The following HADHB variants were observed in gnomAD, a reference collection of about 807,000 sequenced individuals.
HADHB encodes trifunctional enzyme subunit beta, mitochondrial.
A neutral mutation model predicts 61.9 loss-of-function variants in HADHB; 50 were observed. The ratio of observed to expected loss-of-function variants is 0.81; its 90% CI spans 0.64 to 1.02. HADHB has a LOEUF of 1.02. HADHB is among the 50% of genes least tolerant of loss of function. The probability of loss-of-function intolerance (pLI) is 0.00; values close to 1 mark genes in which losing one functional copy is unlikely to be tolerated. For missense variants in HADHB, 504 were observed against 586.5 expected (o/e 0.86, Z 1.45); for synonymous variants, 191 against 201.6 (o/e 0.95, Z 0.45).
At chr2:26,275,298 TTAA>T (rs1672497250) in intron 6 of HADHB, among the ~76,000 whole-genome samples, 1 of 152,200 alleles carries the variant, frequency 6.6e-6, no homozygotes, top group South Asian at 2.1e-4. Context: ...ATTGCCTGTA[TTAA>T]TAATGTTAAT....
intron 1 of HADHB, among the ~76,000 whole-genome samples, chr2:26,251,538 C>T (rs1209817277): frequency 2.0e-5 from 3 of 152,122 alleles, no homozygotes; most frequent in Non-Finnish European, 4.4e-5. Flanking sequence ...TGTTTTTCAA[C>T]ATTTTCTTGA....
At chr2:26,289,805 A>G (rs1673190879) in intron 15 of HADHB, 113 bp from the exon 16 acceptor site, 1 of 804,560 alleles carries the variant, frequency 1.2e-6, no homozygotes, top group Non-Finnish European at 2.2e-6. Flanking sequence ...ATTGATTGGC[A>G]GAGCCAGGAT....
At chr2:26,288,708 C>A (rs985366172) in intron 15 of HADHB, among the ~76,000 whole-genome samples, 1 of 151,042 alleles carries the variant, frequency 6.6e-6, no homozygotes, top group African/African-American at 2.4e-5. Flanking sequence ...GGCCCTGTTT[C>A]AAAAAAAACA....
intron 15 of HADHB, among the ~76,000 whole-genome samples, chr2:26,287,587 C>G (rs1002141098): frequency 2.6e-5 from 4 of 152,302 alleles, no homozygotes; most frequent in Admixed American, 6.5e-5. Flanking sequence ...ATACCTAGCA[C>G]CTTTCTTCTA....
In HADHB at chr2:26,258,471, C is replaced by T. The variant is rs139628197; in HGVS notation, c.109+3997C>T. Among the ~76,000 whole-genome samples the T allele has an allele frequency of 9.7e-4, 147 of 152,278 alleles. 1 individual carries two copies. The highest frequency in any genetic ancestry group is 3.4e-3 in the African/African-American group (143 of 41,556). ...GCACTTGGCCGCACAGAAACAATGGCGAGCCTCTAGCCCAAACAGGAATGG... is the reference window on the plus strand; with the variant it reads ...GCACTTGGCCGCACAGAAACAATGGTGAGCCTCTAGCCCAAACAGGAATGG... On this transcript the variant is annotated intron_variant, in intron 3 of 15. Coordinates refer to ENST00000317799, the MANE Select transcript of HADHB (RefSeq NM_000183.3).
In HADHB at chr2:26,285,393, T is replaced by C. The variant is rs1400354317; in HGVS notation, c.1225-14T>C. On this transcript the variant is annotated splice_polypyrimidine_tract_variant and intron_variant, in intron 14 of 15. Transcript: ENST00000317799. Reference sequence around the variant, plus strand: ...GTAAACTTATCTTTACATTTGTGTCTTTGGGGGAGCCAGGTTGGATTGCCT... The same window carrying C: ...GTAAACTTATCTTTACATTTGTGTCCTTGGGGGAGCCAGGTTGGATTGCCT... 1 of 1,611,570 alleles carries C rather than the reference T, an allele frequency of 6.2e-7. No homozygotes were observed. Among genetic ancestry groups the C allele is most frequent in the African/African-American group, 1.3e-5 (1 of 74,892 alleles).
chr2:26,275,639 C>G (rs1233373599), intron 6 of HADHB, among the ~76,000 whole-genome samples: 1 of 152,216 alleles, frequency 6.6e-6, no homozygotes, highest in Non-Finnish European at 1.5e-5. Context: ...ACTTGCGTCT[C>G]TCTTCCTTTC....
At chr2:26,249,438 G>C (rs532100182) in intron 1 of HADHB, among the ~76,000 whole-genome samples, 53 of 152,202 alleles carry the variant, frequency 3.5e-4, no homozygotes, top group African/African-American at 1.1e-3. Flanking sequence ...TTGAACCCAG[G>C]AGGCAGAGGT....
chr2:26,268,323 C>T lies in HADHB; in HGVS notation c.210-1630C>T, dbSNP rs148630412. 2.0e-5 allele frequency among the ~76,000 whole-genome samples: 3 copies of T among 152,296 alleles called. No individual in the cohort carries two copies. In the East Asian group the frequency reaches 5.8e-4, roughly 29 times the overall value. On this transcript the variant is annotated intron_variant, in intron 4 of 15. Coordinates refer to ENST00000317799, the MANE Select transcript of HADHB (RefSeq NM_000183.3). ...CAATTACTATGATGATTTCGACATA[C>T]GTCCGCAAAGTCTGTGTTATTCCTG...
intron 10 of HADHB, among the ~76,000 whole-genome samples, chr2:26,280,465 G>GA (rs1238601422): frequency 6.6e-6 from 1 of 152,230 alleles, no homozygotes; most frequent in Non-Finnish European, 1.5e-5. Flanking sequence ...CCCTGACCCA[G>GA]ATGGGGGGAC....
intron 15 of HADHB, 120 bp from the exon 16 acceptor site, chr2:26,289,798 G>C: frequency 1.3e-6 from 1 of 789,730 alleles, no homozygotes; most frequent in Non-Finnish European, 2.3e-6. Context: ...CACAGTGATT[G>C]ATTGGCAGAG....
At chr2:26,268,791 C>T (rs1030246261) in intron 4 of HADHB, among the ~76,000 whole-genome samples, 1 of 152,102 alleles carries the variant, frequency 6.6e-6, no homozygotes. Context: ...TAGTATTGTG[C>T]CAATGTTCAT....
intron 4 of HADHB, among the ~76,000 whole-genome samples, chr2:26,264,063 T>A (rs962302068): frequency 6.6e-6 from 1 of 152,136 alleles, no homozygotes; most frequent in African/African-American, 2.4e-5. Context: ...AAGCTGATAA[T>A]GGACTTTGAT....
At chr2:26,267,852 T>C (rs1294857593) in intron 4 of HADHB, among the ~76,000 whole-genome samples, 6 of 150,140 alleles carry the variant, frequency 4.0e-5, no homozygotes, top group Admixed American at 3.3e-4. Context: ...TTAATAAATA[T>C]AGGAGGACTG....
intron 1 of HADHB, among the ~76,000 whole-genome samples, chr2:26,249,458 C>T (rs1263906224): frequency 6.6e-6 from 1 of 152,058 alleles, no homozygotes; most frequent in Non-Finnish European, 1.5e-5. Flanking sequence ...TTGCAGTGAG[C>T]CAAGATCGCG....
intron 1 of HADHB, among the ~76,000 whole-genome samples, chr2:26,248,538 TA>T (rs1305761562): frequency 6.6e-6 from 1 of 152,326 alleles, no homozygotes; most frequent in East Asian, 1.9e-4. Context: ...TAGAGACCAA[TA>T]AAAGGCATTA....
Position 26,285,530 on chromosome 2 carries a change from G to A in HADHB, c.1348G>A (p.Gly450Ser). The change falls in exon 15 of 16, where the codon GGC becomes AGC. Residue 450 changes from glycine (G) to serine (S), a missense_variant. By Grantham distance (56) the Gly-to-Ser change is moderately conservative. Transcript: ENST00000317799. ...AAANRLRKEG[G>S]QYGLVAACAA... ...TGCCAACAGATTACGGAAAGAAGGA[G>A]GCCAGTATGGCTTAGTGGCTGCGTG... 1.2e-6 allele frequency: 2 copies of A among 1,614,086 alleles called. No individual in the cohort carries two copies. The highest frequency in any genetic ancestry group is 1.7e-5 in the Admixed American group (1 of 60,008).
intron 5 of HADHB, among the ~76,000 whole-genome samples, chr2:26,271,085 CG>C (rs1672326527): frequency 6.8e-6 from 1 of 146,280 alleles, no homozygotes; most frequent in Non-Finnish European, 1.5e-5. Context: ...TTAGTAGAGA[CG>C]GGGTTTCACT....
intron 13 of HADHB, 25 bp from the exon 14 acceptor site, chr2:26,284,858 C>T: frequency 8.3e-7 from 1 of 1,210,478 alleles, no homozygotes; most frequent in Non-Finnish European, 1.2e-6. Context: ...TAACGAGGTT[C>T]TTATTCGATT....
Sources: gnomAD v4.1 joint callset for allele counts (sites outside exome capture counted in the v4.1 genomes callset) on GRCh38, gnomAD v4.1.1 for gene constraint, MANE v1.5 for transcripts, NCBI Gene and HGNC (gene_info 2026-07-23, HGNC 2026-07-21) for gene names.